The following SNTG2 variants were observed in gnomAD, a reference collection of about 807,000 sequenced individuals.
SNTG2 encodes the protein gamma-2-syntrophin.
A neutral mutation model predicts 70.9 loss-of-function variants in SNTG2; 74 were observed. That is an observed-to-expected ratio of 1.04 (90% CI 0.86 to 1.27). The LOEUF is 1.27. Among genes scored for constraint, SNTG2 ranks in the 50% most tolerant of loss-of-function variants. The pLI is 0.00. For missense variants in SNTG2, 717 were observed against 690.7 expected, an observed-to-expected ratio of 1.04 and a Z score of -0.43; for synonymous variants, 278 against 273.8, an observed-to-expected ratio of 1.02 and a Z score of -0.15.
intron 6 of SNTG2, among the ~76,000 whole-genome samples, chr2:1,143,831 C>A (rs990380813): frequency 2.6e-5 from 4 of 151,076 alleles, no homozygotes; most frequent in Non-Finnish European, 5.9e-5. Context: ...AGAGATCATG[C>A]CACTGCACTC....
At chr2:970,761 T>G (rs1660712666) in intron 1 of SNTG2, among the ~76,000 whole-genome samples, 1 of 151,556 alleles carries the variant, frequency 6.6e-6, no homozygotes, top group Non-Finnish European at 1.5e-5. Flanking sequence ...CAGCATGATT[T>G]ATAGTCCTTT....
At chr2:970,839 G>A (rs1242265031) in intron 1 of SNTG2, among the ~76,000 whole-genome samples, 2 of 152,050 alleles carry the variant, frequency 1.3e-5, no homozygotes, top group Non-Finnish European at 2.9e-5. Context: ...CTGAGGAATC[G>A]CCATGAACAG....
chr2:1,008,787 C>T (rs1437352133), intron 1 of SNTG2, among the ~76,000 whole-genome samples: 1 of 152,098 alleles, frequency 6.6e-6, no homozygotes, highest in Non-Finnish European at 1.5e-5. Flanking sequence ...AAAATAAATA[C>T]AAGTTTATAA....
At chr2:1,085,479 G>A (rs190596538) in intron 2 of SNTG2, among the ~76,000 whole-genome samples, 1 of 152,152 alleles carries the variant, frequency 6.6e-6, no homozygotes, top group East Asian at 1.9e-4. Context: ...AGTTATATTT[G>A]TATTCCCACC....
At chr2:1,350,092 T>C (rs1178346962) in intron 16 of SNTG2, among the ~76,000 whole-genome samples, 5 of 152,182 alleles carry the variant, frequency 3.3e-5, no homozygotes, top group Non-Finnish European at 7.3e-5. Flanking sequence ...TCGGATGGCC[T>C]CAGTCTCCTG....
chr2:1,357,300 G>C (rs185039716), intron 16 of SNTG2, among the ~76,000 whole-genome samples: 1 of 152,158 alleles, frequency 6.6e-6, no homozygotes, highest in East Asian at 1.9e-4. Context: ...TAGTGCCTTT[G>C]TTACGTTCGG....
chr2:971,725 T>TC (rs1660747123), intron 1 of SNTG2, among the ~76,000 whole-genome samples: 1 of 151,046 alleles, frequency 6.6e-6, no homozygotes, highest in Non-Finnish European at 1.5e-5. Context: ...TTTTTTTTTT[T>TC]CTCATTCCTT....
intron 6 of SNTG2, among the ~76,000 whole-genome samples, chr2:1,140,810 T>G (rs1476183646): frequency 2.0e-5 from 1 of 49,734 alleles, no homozygotes; most frequent in African/African-American, 6.7e-5. Context: ...AGTTCTTAAG[T>G]GCTATGAAAA....
At chr2:1,351,501 C>G (rs1660576362) in intron 16 of SNTG2, among the ~76,000 whole-genome samples, 2 of 152,114 alleles carry the variant, frequency 1.3e-5, no homozygotes, top group African/African-American at 4.8e-5. Context: ...AGAACACTGC[C>G]AAGGAAGGTA....
At chr2:1,044,841 C>G (rs995450114) in intron 1 of SNTG2, among the ~76,000 whole-genome samples, 1 of 152,044 alleles carries the variant, frequency 6.6e-6, no homozygotes, top group Non-Finnish European at 1.5e-5. Context: ...GGATATTGGA[C>G]TGACGTTTTC....
At chr2:1,180,661 G>C (rs1479773633) in intron 8 of SNTG2, among the ~76,000 whole-genome samples, 8 of 149,886 alleles carry the variant, frequency 5.3e-5, no homozygotes, top group South Asian at 4.3e-4. Context: ...TCAGTGTGGC[G>C]ATTCCTCAGG....
At chr2:1,358,291 C>T (rs4927645) in intron 16 of SNTG2, among the ~76,000 whole-genome samples, 109,669 of 151,934 alleles carry the variant, frequency 0.72, 39,871 homozygotes, top group East Asian at 0.94. Flanking sequence ...TTAAATATTG[C>T]TGATCTTTTC....
chr2:1,121,390 A>G (rs1236005049), intron 4 of SNTG2, among the ~76,000 whole-genome samples: 1 of 152,184 alleles, frequency 6.6e-6, no homozygotes, highest in East Asian at 1.9e-4. Flanking sequence ...GGAAGGAAAG[A>G]GGATGAGAAC....
chr2:1,059,718 G>A (rs987897785), intron 1 of SNTG2, among the ~76,000 whole-genome samples: 11 of 152,052 alleles, frequency 7.2e-5, no homozygotes, highest in Non-Finnish European at 1.5e-4. Flanking sequence ...TTAGACAAAA[G>A]TTCTTAAAAT....
rs147083815 is a variant in SNTG2 at position 1,041,422 on chromosome 2, C to T, written c.73-42096C>T. Among the ~76,000 whole-genome samples, 585 of 152,202 alleles carry T rather than the reference C, an allele frequency of 3.8e-3. 7 individuals carry two copies. Among genetic ancestry groups the T allele is most frequent in the Admixed American group, 0.019 (296 of 15,284 alleles). On this transcript the variant is annotated intron_variant, in intron 1 of 16. Transcript: ENST00000308624. The stretch of plus-strand genomic sequence containing the variant: ...TTTTTTCATGTGTATAATCAATTGC[C>T]TCAGTACAGTTTATTTTTATTGCTA...
chr2:1,071,004 G>A (rs921037048), intron 1 of SNTG2, among the ~76,000 whole-genome samples: 6 of 152,064 alleles, frequency 3.9e-5, no homozygotes, highest in Admixed American at 6.5e-5. Flanking sequence ...CATTCAATGC[G>A]TTGGCAATAC....
intron 13 of SNTG2, among the ~76,000 whole-genome samples, chr2:1,261,641 T>G (rs1416954531): frequency 1.3e-5 from 2 of 152,176 alleles, no homozygotes; most frequent in East Asian, 3.9e-4. Context: ...GTCCATCCTC[T>G]CAACCTAAAG....
intron 16 of SNTG2, among the ~76,000 whole-genome samples, chr2:1,361,838 G>A (rs374789269): frequency 3.0e-4 from 8 of 26,496 alleles, no homozygotes; most frequent in African/African-American, 6.4e-4. Context: ...GAAAGTCACG[G>A]ATGCTGAGCA....
rs1660525347 is a variant in SNTG2, at chr2:1,027,195, G to A, written c.73-56323G>A. Among the ~76,000 whole-genome samples the A allele has an allele frequency of 2.0e-5, 3 of 152,188 alleles. No homozygotes were observed. The South Asian group carries it at 6.2e-4, about 32-fold the overall frequency. ...GGATCTCGTCTGCTTGTTTCCTGGA[G>A]ATGCTCCCGGGCCCACAGTGCTCCC... On this transcript the variant is annotated intron_variant, in intron 1 of 16. Coordinates refer to ENST00000308624, the MANE Select transcript of SNTG2 (RefSeq NM_018968.4).
Sources: allele counts gnomAD v4.1 joint callset (sites outside exome capture counted in the v4.1 genomes callset), GRCh38; gene constraint gnomAD v4.1.1; transcripts MANE v1.5; gene names NCBI Gene and HGNC (gene_info 2026-07-23, HGNC 2026-07-21).